Variants in ASAH2 observed in about 807,000 individuals in gnomAD.
ASAH2 encodes neutral ceramidase.
Under a neutral mutation model 82.9 loss-of-function variants are expected in ASAH2, and 58 were observed. That is an observed-to-expected ratio of 0.70 (90% CI 0.57 to 0.87). The LOEUF (loss-of-function observed/expected upper bound fraction) is 0.87. ASAH2 is among the 40% of genes least tolerant of loss of function. The pLI is 0.00. For missense variants in ASAH2, 779 were observed against 834.0 expected (o/e 0.93, Z 0.81); for synonymous variants, 276 against 289.7 (o/e 0.95, Z 0.48).
At chr10:50,205,107 G>A (rs1378573103) in intron 13 of ASAH2, 152 bp from the exon 14 acceptor site, 1 of 581,494 alleles carries the variant, frequency 1.7e-6, no homozygotes, top group Non-Finnish European at 3.0e-6. Context: ...CATAACATGA[G>A]AATTTCAAAT....
rs1012574144 is a variant in ASAH2 at position 50,225,609 on chromosome 10, C to T, written c.894-6979G>A. 3.6e-3 allele frequency among the ~76,000 whole-genome samples: 544 copies of T among 152,134 alleles called. 2 individuals carry two copies. The highest frequency in any genetic ancestry group is 0.012 in the African/African-American group (482 of 41,514). On this transcript the variant is annotated intron_variant, in intron 7 of 20. Coordinates refer to ENST00000682911, the MANE Select transcript of ASAH2 (RefSeq NM_019893.4). ...GCAACAATTGTAAAGCATGGTCATA[C>T]TAAGATTGGCAAGAGTATGACAAAC... is the stretch of plus-strand genomic sequence containing the variant.
At chr10:50,234,306 A>G in intron 6 of ASAH2, 119 bp downstream of exon 6, 2 of 1,397,786 alleles carry the variant, frequency 1.4e-6, no homozygotes, top group Non-Finnish European at 2.0e-6. Flanking sequence ...TTAAGATATC[A>G]TAGCTGTAAT....
At chr10:50,235,122 C>T (rs1846122646) in intron 5 of ASAH2, among the ~76,000 whole-genome samples, 1 of 152,092 alleles carries the variant, frequency 6.6e-6, no homozygotes, top group Non-Finnish European at 1.5e-5. Flanking sequence ...TATTTTTTAG[C>T]ATTTTTTATG....
intron 16 of ASAH2, 102 bp downstream of exon 16, chr10:50,202,727 T>A: frequency 1.2e-6 from 1 of 852,860 alleles, no homozygotes. Flanking sequence ...TAATCATCTC[T>A]CAGAAACATG....
At chr10:50,226,471 T>A (rs1052748041) in intron 7 of ASAH2, among the ~76,000 whole-genome samples, 1 of 152,060 alleles carries the variant, frequency 6.6e-6, no homozygotes, top group East Asian at 1.9e-4. Flanking sequence ...TTTTAGAAAA[T>A]ATATAAAAGA....
intron 8 of ASAH2, among the ~76,000 whole-genome samples, chr10:50,215,740 G>A (rs1437094081): frequency 1.3e-5 from 2 of 152,184 alleles, no homozygotes; most frequent in East Asian, 1.9e-4. Context: ...AACCATTGGG[G>A]AAAACAGTGC....
intron 6 of ASAH2, among the ~76,000 whole-genome samples, chr10:50,233,529 A>G (rs1846067780): frequency 6.6e-6 from 1 of 152,122 alleles, no homozygotes; most frequent in South Asian, 2.1e-4. Flanking sequence ...TATATAACAT[A>G]TATGTATTTC....
intron 3 of ASAH2, among the ~76,000 whole-genome samples, chr10:50,243,741 A>T (rs1172462961): frequency 6.6e-6 from 1 of 152,196 alleles, no homozygotes; most frequent in Non-Finnish European, 1.5e-5. Context: ...CTAAGGTACT[A>T]CAGGAAAAAA....
chr10:50,193,594 C>G (rs1242408923), intron 18 of ASAH2, among the ~76,000 whole-genome samples: 1 of 151,460 alleles, frequency 6.6e-6, no homozygotes, highest in Non-Finnish European at 1.5e-5. Flanking sequence ...ACTGGAAAAC[C>G]TCATAATTCA....
rs957369428 is a variant in ASAH2, at chr10:50,234,126, G to T, written c.815+299C>A. On this transcript the variant is annotated intron_variant, in intron 6 of 20. Coordinates refer to ENST00000682911, the MANE Select transcript of ASAH2 (RefSeq NM_019893.4). ...TCACTAAAGGTCACATTGCTAGAAA[G>T]CAATAAAACTAAGCTGAGACCACAG... is the stretch of plus-strand genomic sequence containing the variant. 6.0e-4 allele frequency among the ~76,000 whole-genome samples: 92 copies of T among 152,162 alleles called. 1 individual carries two copies. In the South Asian group the frequency reaches 0.019, roughly 32 times the overall value.
intron 4 of ASAH2, among the ~76,000 whole-genome samples, chr10:50,239,197 C>T (rs1465948768): frequency 1.3e-5 from 2 of 152,118 alleles, no homozygotes; most frequent in Non-Finnish European, 2.9e-5. Context: ...GGAAATTTCA[C>T]CTATCTTAAA....
At position 50,220,333 on chromosome 10, in the gene ASAH2, C is replaced by T. The variant is rs916638500; in HGVS notation, c.894-1703G>A. 1.2e-3 allele frequency among the ~76,000 whole-genome samples: 176 copies of T among 152,108 alleles called. 1 individual carries two copies. The highest frequency in any genetic ancestry group is 2.1e-3 in the Non-Finnish European group (144 of 67,976). On this transcript the variant is annotated intron_variant, in intron 7 of 20. Coordinates refer to ENST00000682911, the MANE Select transcript of ASAH2 (RefSeq NM_019893.4). ...CTAAAGACACATGGACACGTATGTT[C>T]GTTGCAGCACTATTCACAATAGCAA...
At chr10:50,251,290 A>G (rs1201597405) in intron 1 of ASAH2, among the ~76,000 whole-genome samples, 105 bp downstream of exon 1, 1 of 152,190 alleles carries the variant, frequency 6.6e-6, no homozygotes, top group African/African-American at 2.4e-5. Context: ...TTCCAAAGCT[A>G]TGAGATAAAT....
chr10:50,221,141 A>T (rs1023473835), intron 7 of ASAH2, among the ~76,000 whole-genome samples: 1 of 152,194 alleles, frequency 6.6e-6, no homozygotes, highest in Non-Finnish European at 1.5e-5. Context: ...ATCCCCTCGC[A>T]GTTATTTGCA....
At chr10:50,208,196 T>TTA (rs945482998) in intron 12 of ASAH2, among the ~76,000 whole-genome samples, 1 of 151,958 alleles carries the variant, frequency 6.6e-6, no homozygotes, top group African/African-American at 2.4e-5. Flanking sequence ...AGAGCTAACA[T>TTA]TATAGTTAAT....
chr10:50,207,381 CA>C lies in ASAH2; in HGVS notation c.1415-1285del, dbSNP rs1301490161. On this transcript the variant is annotated intron_variant, in intron 12 of 20. Transcript: ENST00000682911. The stretch of plus-strand genomic sequence containing the variant: ...AAGAAAACAGAAAAATCAATGAAAC[CA>C]AAAGCTGGTTTTTTGAAAAGGTCAA... Among the ~76,000 whole-genome samples, 6 of 151,388 alleles carry C rather than the reference CA, an allele frequency of 4.0e-5. No individual in the cohort carries two copies. The East Asian group carries it at 7.8e-4, about 20-fold the overall frequency.
At chr10:50,225,257 A>G (rs1845849179) in intron 7 of ASAH2, among the ~76,000 whole-genome samples, 2 of 152,024 alleles carry the variant, frequency 1.3e-5, no homozygotes, top group Non-Finnish European at 2.9e-5. Context: ...CTCTACTAAA[A>G]ATATAAAAAT....
chr10:50,242,308 A>C (rs1027571697), intron 4 of ASAH2, among the ~76,000 whole-genome samples: 1 of 152,156 alleles, frequency 6.6e-6, no homozygotes, highest in African/African-American at 2.4e-5. Flanking sequence ...AGAGGGAGCA[A>C]TGTTAAAGTG....
chr10:50,197,231 A>G (rs1845011060), intron 17 of ASAH2, among the ~76,000 whole-genome samples: 1 of 151,930 alleles, frequency 6.6e-6, no homozygotes, highest in South Asian at 2.1e-4. Context: ...GACTTTGTAC[A>G]GGGGCCTAAC....
Sources: allele counts gnomAD v4.1 joint callset (sites outside exome capture counted in the v4.1 genomes callset), GRCh38; gene constraint gnomAD v4.1.1; transcripts MANE v1.5; gene names NCBI Gene and HGNC (gene_info 2026-07-23, HGNC 2026-07-21).